Variants in UBAP2 observed in about 807,000 individuals in gnomAD.
UBAP2 encodes the protein ubiquitin-associated protein 2.
A neutral mutation model predicts 139.6 loss-of-function variants in UBAP2; 75 were observed. The ratio of observed to expected loss-of-function variants is 0.54; its 90% CI spans 0.45 to 0.65. The LOEUF (loss-of-function observed/expected upper bound fraction) is 0.65. UBAP2 is among the 30% of genes least tolerant of loss of function. The probability of loss-of-function intolerance (pLI) is 0.00; values close to 1 mark genes in which losing one functional copy is unlikely to be tolerated. For synonymous variants in UBAP2, 526 were observed against 526.2 expected (o/e 1.00, Z 0.01); for missense variants, 1,368 against 1,369.6 (o/e 1.00, Z 0.02).
chr9:33,932,516 G>A (rs1201878302), intron 19 of UBAP2, 46 bp downstream of exon 19: 1 of 1,606,626 alleles, frequency 6.2e-7, no homozygotes, highest in Non-Finnish European at 8.5e-7. Context: ...TAAGCTCCAG[G>A]CTCCCCAAGC....
intron 11 of UBAP2, 51 bp from the exon 12 acceptor site, chr9:33,953,525 C>A: frequency 6.5e-7 from 1 of 1,533,778 alleles, no homozygotes; most frequent in Non-Finnish European, 8.9e-7. Context: ...ATCTTACCAA[C>A]AAATGAATGT....
rs117855312 is a variant in UBAP2, at chr9:33,929,025, C to T, written c.2176-1033G>A. Reference sequence around the variant, plus strand: ...GCCAAAAACATGGTTTCCTGGGGCTCCAAGGCGTCTTGTTCCTTCAGCACA... The same window carrying T: ...GCCAAAAACATGGTTTCCTGGGGCTTCAAGGCGTCTTGTTCCTTCAGCACA... On this transcript the variant is annotated intron_variant, in intron 19 of 28. Coordinates refer to ENST00000379238, the MANE Select transcript of UBAP2 (RefSeq NM_001370062.2). Among the ~76,000 whole-genome samples the T allele has an allele frequency of 2.7e-3, 405 of 152,280 alleles. 1 individual carries two copies. Among genetic ancestry groups the T allele is most frequent in the Non-Finnish European group, 5.0e-3 (337 of 68,010 alleles).
intron 2 of UBAP2, among the ~76,000 whole-genome samples, chr9:34,015,996 T>G (rs541837436): frequency 2.4e-4 from 36 of 152,300 alleles, no homozygotes; most frequent in African/African-American, 8.2e-4. Context: ...TCTATTGTAA[T>G]TCAGGTATTT....
chr9:33,978,256 G>A (rs1198948533), intron 6 of UBAP2, among the ~76,000 whole-genome samples: 3 of 151,952 alleles, frequency 2.0e-5, no homozygotes, highest in Non-Finnish European at 4.4e-5. Context: ...AACGTAAGCT[G>A]GGTCTGGTGG....
intron 17 of UBAP2, 30 bp downstream of exon 17, chr9:33,935,809 A>G: frequency 6.2e-7 from 1 of 1,614,024 alleles, no homozygotes; most frequent in Non-Finnish European, 8.5e-7. Context: ...GGCACCAGCC[A>G]TGACAAGAGT....
chr9:33,924,709 CAG>C (rs1398856490), intron 22 of UBAP2, among the ~76,000 whole-genome samples: 10 of 152,110 alleles, frequency 6.6e-5, no homozygotes, highest in Admixed American at 1.3e-4. Flanking sequence ...TAAGGGGGGA[CAG>C]GGGGCAGTGC....
intron 15 of UBAP2, among the ~76,000 whole-genome samples, chr9:33,943,123 G>A (rs1825376919): frequency 6.6e-6 from 1 of 152,126 alleles, no homozygotes; most frequent in Admixed American, 6.5e-5. Flanking sequence ...ATTAAACATG[G>A]GTGTACCTCG....
At chr9:33,933,434 A>G in intron 18 of UBAP2, 56 bp downstream of exon 18, 1 of 1,588,800 alleles carries the variant, frequency 6.3e-7, no homozygotes, top group Middle Eastern at 1.7e-4. Context: ...CTTCTACAGG[A>G]GCTCCAGGAC....
At chr9:34,017,706 C>G (rs1824495736) in intron 1 of UBAP2, among the ~76,000 whole-genome samples, 1 of 152,158 alleles carries the variant, frequency 6.6e-6, no homozygotes, top group Non-Finnish European at 1.5e-5. Flanking sequence ...GCAGGCAGAT[C>G]ATGAGGTCAG....
intron 19 of UBAP2, among the ~76,000 whole-genome samples, chr9:33,932,078 T>A (rs1242011752): frequency 6.6e-6 from 1 of 152,022 alleles, no homozygotes; most frequent in Non-Finnish European, 1.5e-5. Context: ...CACACCTCAA[T>A]AACCATAATC....
intron 16 of UBAP2, among the ~76,000 whole-genome samples, chr9:33,936,863 C>A (rs1824565515): frequency 8.0e-6 from 1 of 124,686 alleles, no homozygotes; most frequent in South Asian, 2.5e-4. Context: ...AACGCTGGAA[C>A]AGGAGAACTG....
chr9:34,032,859 G>A (rs1225154364), intron 1 of UBAP2, among the ~76,000 whole-genome samples: 1 of 151,192 alleles, frequency 6.6e-6, no homozygotes, highest in Non-Finnish European at 1.5e-5. Flanking sequence ...AGGAGGCAGA[G>A]GTTGCAGTGA....
chr9:34,011,596 A>G (rs1823754943), intron 2 of UBAP2: 1 of 980,808 alleles, frequency 1.0e-6, no homozygotes, highest in African/African-American at 1.7e-5. Context: ...TAAACAAAGC[A>G]CCAAACATAA....
At chr9:33,967,260 A>G (rs1473762539) in intron 8 of UBAP2, among the ~76,000 whole-genome samples, 1 of 152,194 alleles carries the variant, frequency 6.6e-6, no homozygotes, top group African/African-American at 2.4e-5. Context: ...AGATTCTTTT[A>G]CACAATCACA....
intron 16 of UBAP2, among the ~76,000 whole-genome samples, chr9:33,940,842 ATT>A (rs1441710187): frequency 1.3e-5 from 2 of 152,214 alleles, no homozygotes; most frequent in African/African-American, 2.4e-5. Context: ...AATTTTTAGC[ATT>A]TCTTATCAAT....
intron 1 of UBAP2, among the ~76,000 whole-genome samples, chr9:34,017,718 A>G (rs922617766): frequency 2.0e-5 from 3 of 152,124 alleles, no homozygotes; most frequent in African/African-American, 7.2e-5. Flanking sequence ...TGAGGTCAGG[A>G]GATCGAGACC....
Position 34,033,551 on chromosome 9 carries a change from T to C in UBAP2, c.-42+15274A>G, listed in dbSNP as rs1826066094. On this transcript the variant is annotated intron_variant, in intron 1 of 28. Transcript: ENST00000379238. ...CCCACTATTTGATAGCACAATAGGGTAACTATAGTCAATAACTTAATTGTA... is the reference window on the plus strand; with the variant it reads ...CCCACTATTTGATAGCACAATAGGGCAACTATAGTCAATAACTTAATTGTA... 2.0e-5 allele frequency among the ~76,000 whole-genome samples: 3 copies of C among 151,994 alleles called. No individual in the cohort carries two copies. The South Asian group carries it at 6.2e-4, about 32-fold the overall frequency.
At chr9:34,043,716 G>A (rs1266915958) in intron 1 of UBAP2, among the ~76,000 whole-genome samples, 1 of 151,334 alleles carries the variant, frequency 6.6e-6, no homozygotes, top group African/African-American at 2.4e-5. Context: ...CGCTGGTCTC[G>A]AACTCCTGCT....
chr9:33,940,113 G>A (rs1227759803), intron 16 of UBAP2, among the ~76,000 whole-genome samples: 1 of 151,934 alleles, frequency 6.6e-6, no homozygotes, highest in Non-Finnish European at 1.5e-5. Flanking sequence ...AGAAGGCCAC[G>A]ACGACAAGAT....
Sources: allele counts gnomAD v4.1 joint callset (sites outside exome capture counted in the v4.1 genomes callset), GRCh38; gene constraint gnomAD v4.1.1; transcripts MANE v1.5; gene names NCBI Gene and HGNC (gene_info 2026-07-23, HGNC 2026-07-21).